MED1: variants seen among roughly 807,000 people sequenced by gnomAD.
The protein encoded by MED1 is mediator of RNA polymerase II transcription subunit 1.
Under a neutral mutation model 121.3 loss-of-function variants are expected in MED1, and 17 were observed. The ratio of observed to expected loss-of-function variants is 0.14; its 90% confidence interval spans 0.10 to 0.21. MED1 has a LOEUF of 0.21. MED1 is among the 10% of genes least tolerant of loss of function. The probability of loss-of-function intolerance (pLI) is 1.00; values close to 1 mark genes in which losing one functional copy is unlikely to be tolerated. For missense variants in MED1, 1,558 were observed against 1,919.4 expected (o/e 0.81, Z 3.52); for synonymous variants, 661 against 694.4 (o/e 0.95, Z 0.76).
intron 3 of MED1, 128 bp downstream of exon 3, chr17:39,443,422 A>T: frequency 1.5e-6 from 1 of 675,338 alleles, no homozygotes; most frequent in Non-Finnish European, 2.6e-6. Context: ...CCATAAATGA[A>T]TGCAAGAGCA....
rs2048295894 is a variant in MED1 at position 39,405,458 on chromosome 17, A to T, written c.*2017T>A. 3.6e-6 allele frequency: 5 copies of T among 1,399,120 alleles called. No individual in the cohort carries two copies. Among genetic ancestry groups the T allele is most frequent in the Non-Finnish European group, 9.3e-7 (1 of 1,073,744 alleles). 86.7% of individuals were successfully genotyped at this position (1,399,120 alleles called of 1,614,324 possible). Reference sequence around the variant, plus strand: ...CAGAACAAATTTTAAAAACCACATAAATTTTTTTTTTTTTCCTGCAGAAAC... The same window carrying T: ...CAGAACAAATTTTAAAAACCACATATATTTTTTTTTTTTTCCTGCAGAAAC... On this transcript the variant is annotated 3_prime_UTR_variant, in exon 17 of 17. Transcript: ENST00000300651.
chr17:39,451,065 T>C lies in MED1; in HGVS notation c.-3A>G, dbSNP rs772787289. On this transcript the variant is annotated 5_prime_UTR_variant, in exon 1 of 17. Coordinates refer to ENST00000300651, the MANE Select transcript of MED1 (RefSeq NM_004774.4). ...TCGGTTTCCCCCTGAGCTTTCATCC[T>C]GAAGGCGAGGAGAAGCTAGATCCGC... is the stretch of plus-strand genomic sequence containing the variant. 3.7e-6 allele frequency: 6 copies of C among 1,610,730 alleles called. No individual in the cohort carries two copies. Among genetic ancestry groups the C allele is most frequent in the East Asian group, 2.2e-5 (1 of 44,544 alleles).
intron 8 of MED1, among the ~76,000 whole-genome samples, chr17:39,431,542 G>A (rs2048565326): frequency 6.6e-6 from 1 of 152,116 alleles, no homozygotes; most frequent in Admixed American, 6.6e-5. Context: ...GCCTCCCAAA[G>A]TGCTGGGATT....
rs541699904 is a variant in MED1, at chr17:39,407,238, C to G, written c.*237G>C. 9 of 908,072 alleles carry G rather than the reference C, an allele frequency of 9.9e-6. No individual in the cohort carries two copies. In the African/African-American group the frequency reaches 1.8e-4, roughly 18 times the overall value. 56.3% of individuals were successfully genotyped at this position (908,072 alleles called of 1,614,324 possible). A position where few individuals can be genotyped will look rare whatever the true frequency, so the allele number is the denominator to read the frequency against. On this transcript the variant is annotated 3_prime_UTR_variant, in exon 17 of 17. Coordinates refer to ENST00000300651, the MANE Select transcript of MED1 (RefSeq NM_004774.4). ...TCCCTTTCTTAAGCAAGTATTTTAA[C>G]TTTCTTTCTGGCACAGGAACAAAGA...
chr17:39,450,396 T>C (rs1172572163), intron 1 of MED1, among the ~76,000 whole-genome samples: 1 of 152,230 alleles, frequency 6.6e-6, no homozygotes, highest in Non-Finnish European at 1.5e-5. Flanking sequence ...AGGACTCTAA[T>C]CTGCAAAGCT....
chr17:39,445,804 G>A (rs1362287320), intron 2 of MED1, among the ~76,000 whole-genome samples: 1 of 151,782 alleles, frequency 6.6e-6, no homozygotes, highest in Non-Finnish European at 1.5e-5. Context: ...GCTGAGGCAG[G>A]TGGATCACAA....
rs2048318454 is a variant in MED1, at chr17:39,407,888, G to A, written c.4333C>T (p.Arg1445Cys). ...GACTTACTATGGCTGGGAGAGCCAC[G>A]CTCATGCTTTGGAGTGGAACCACTG... Reference protein sequence around the residue: ...LISGSTPKHERGSPSHSKSPA... With the variant: ...LISGSTPKHECGSPSHSKSPA... The change falls in exon 17 of 17, where the codon CGT becomes TGT. Residue 1445 changes from arginine (R) to cysteine (C), a missense_variant. Physicochemically the swap from Arg to Cys is radical, Grantham distance 180. This residue lies in a region of MED1 where 264 missense variants were observed against 326.1 expected (regional missense o/e 0.81). Coordinates refer to ENST00000300651, the MANE Select transcript of MED1 (RefSeq NM_004774.4). 6.2e-7 allele frequency: 1 copy of A among 1,613,980 alleles called. No homozygotes were observed. Among genetic ancestry groups the A allele is most frequent in the East Asian group, 2.2e-5 (1 of 44,894 alleles).
intron 6 of MED1, 93 bp from the exon 7 acceptor site, chr17:39,434,413 T>C (rs1344702405): frequency 1.6e-6 from 1 of 608,970 alleles, no homozygotes; most frequent in Non-Finnish European, 2.8e-6. Flanking sequence ...ATCACAGCTA[T>C]ATAAAACTGA....
Position 39,440,654 on chromosome 17 carries a change from C to A in MED1, c.235G>T (p.Asp79Tyr). 6.2e-7 allele frequency: 1 copy of A among 1,613,380 alleles called. No individual in the cohort carries two copies. The highest frequency in any genetic ancestry group is 1.1e-5 in the South Asian group (1 of 90,918). The change falls in exon 4 of 17, where the codon GAT becomes TAT. Residue 79 changes from aspartate (D) to tyrosine (Y), a missense_variant. This residue lies in a region of MED1 where 443 missense variants were observed against 532.4 expected (regional missense o/e 0.83). Coordinates refer to ENST00000300651, the MANE Select transcript of MED1 (RefSeq NM_004774.4). The surrounding 1 kb of genome is among the most constrained non-coding windows in gnomAD (Gnocchi z 4.1). Reference sequence around the variant, plus strand: ...TGTCTTGCTATGGACTCCAAACGATCAGTCATTGCTGGTAAAGATGTTACT... The same window carrying A: ...TGTCTTGCTATGGACTCCAAACGATAAGTCATTGCTGGTAAAGATGTTACT... ...LKVTSLPAMTDRLESIARQNG... is the reference protein window; with the variant it reads ...LKVTSLPAMTYRLESIARQNG...
At chr17:39,428,169 T>G (rs1339097947) in intron 9 of MED1, among the ~76,000 whole-genome samples, 1 of 151,996 alleles carries the variant, frequency 6.6e-6, no homozygotes, top group African/African-American at 2.4e-5. Context: ...GCCAACATGG[T>G]GAAACCCCAT....
chr17:39,426,839 T>A (rs1302852331), intron 10 of MED1, among the ~76,000 whole-genome samples: 2 of 151,926 alleles, frequency 1.3e-5, no homozygotes, highest in East Asian at 3.9e-4. Flanking sequence ...CGGCAGTCTA[T>A]CTCTCTTTAT....
At position 39,447,836 on chromosome 17, in the gene MED1, G is replaced by A. The variant is rs772303365; in HGVS notation, c.94C>T (p.Pro32Ser). The A allele has an allele frequency of 2.5e-6, 4 of 1,613,550 alleles. No homozygotes were observed. Among genetic ancestry groups the A allele is most frequent in the Non-Finnish European group, 2.5e-6 (3 of 1,179,720 alleles). ...ACAAGCTTAATGGTTTCACTCCAGG[G>A]TCTATTTTGGTTAAATTTTGCATGG... ...RLHAKFNQNR[P>S]WSETIKLVRQ... is the part of the protein sequence containing the mutation. Residue 32 changes from proline to serine, a missense_variant, in exon 2 of 17, where the codon CCC becomes TCC. Transcript: ENST00000300651.
At position 39,434,286 on chromosome 17, in the gene MED1, T is replaced by C. The variant is rs370708802; in HGVS notation, c.463A>G (p.Lys155Glu). 5 of 1,568,954 alleles carry C rather than the reference T, an allele frequency of 3.2e-6. No individual in the cohort carries two copies. In the African/African-American group the frequency reaches 6.9e-5, roughly 22 times the overall value. Reference sequence around the variant, plus strand: ...AGGTTATACAGATTAACAAGGCCCTTAAGGTGCTTAGAAAATTCATCAAAA... The same window carrying C: ...AGGTTATACAGATTAACAAGGCCCTCAAGGTGCTTAGAAAATTCATCAAAA... Reference protein sequence around the residue: ...KNFDEFSKHLKGLVNLYNLPG... With the variant: ...KNFDEFSKHLEGLVNLYNLPG... The change falls in exon 7 of 17, where the codon AAG becomes GAG. Residue 155 changes from lysine to glutamate, a missense_variant. This residue lies in a region of MED1 where 443 missense variants were observed against 532.4 expected (regional missense o/e 0.83). Transcript: ENST00000300651.
Position 39,440,698 on chromosome 17 carries a change from G to A in MED1, c.212-21C>T. ...TGTTACTATAAAAGGATGAAAAAAG[G>A]AGTCACAAAGAATGCTCCAAATGAC... is the stretch of plus-strand genomic sequence containing the variant. On this transcript the variant is annotated intron_variant, in intron 3 of 16. Coordinates refer to ENST00000300651, the MANE Select transcript of MED1 (RefSeq NM_004774.4). This position sits in a 1 kb window ranked among gnomAD's most constrained non-coding sequence, Gnocchi z 4.1. The A allele has an allele frequency of 6.3e-7, 1 of 1,598,840 alleles. No homozygotes were observed. The highest frequency in any genetic ancestry group is 8.5e-7 in the Non-Finnish European group (1 of 1,170,164).
chr17:39,429,702 T>C (rs1171656162), intron 9 of MED1, among the ~76,000 whole-genome samples: 1 of 48,966 alleles, frequency 2.0e-5, no homozygotes, highest in African/African-American at 1.0e-4. Flanking sequence ...CCTAAATGCC[T>C]AAAAAAAAAA....
At chr17:39,423,245 C>T in intron 13 of MED1, 82 bp downstream of exon 13, 1 of 1,020,100 alleles carries the variant, frequency 9.8e-7, no homozygotes, top group Non-Finnish European at 1.5e-6. Flanking sequence ...CTTATCTGAC[C>T]TCAATAATGC....
Position 39,447,809 on chromosome 17 carries a change from G to T in MED1, c.121C>A (p.Arg41Ser), listed in dbSNP as rs755343121. 6.2e-6 allele frequency: 10 copies of T among 1,610,856 alleles called. No homozygotes were observed. The highest frequency in any genetic ancestry group is 1.3e-5 in the African/African-American group (1 of 74,842). Residue 41 changes from arginine (R) to serine (S), a missense_variant, in exon 2 of 17, where the codon CGT (arginine) becomes AGT (serine). By Grantham distance (110) the Arg-to-Ser change is moderately radical. Around this residue, in one of 5 missense-constraint regions of MED1, gnomAD observed 443 missense variants for 532.4 expected, o/e 0.83. Coordinates refer to ENST00000300651, the MANE Select transcript of MED1 (RefSeq NM_004774.4). The stretch of plus-strand genomic sequence containing the variant: ...ACCACAATCCTTACCATGACTTGAC[G>T]CACAAGCTTAATGGTTTCACTCCAG... ...RPWSETIKLV[R>S]QVMEKRVVMS...
At chr17:39,435,024 C>T (rs559005746) in intron 6 of MED1, among the ~76,000 whole-genome samples, 6 of 152,026 alleles carry the variant, frequency 3.9e-5, no homozygotes, top group African/African-American at 1.4e-4. Flanking sequence ...AAAAATTAGC[C>T]GAGTGTGGTG....
intron 9 of MED1, among the ~76,000 whole-genome samples, chr17:39,429,464 G>C (rs2048544420): frequency 6.6e-6 from 1 of 151,994 alleles, no homozygotes; most frequent in Non-Finnish European, 1.5e-5. Flanking sequence ...GGGAGGCCGA[G>C]ACAGGCAGCT....
Sources: allele counts gnomAD v4.1 joint callset (sites outside exome capture counted in the v4.1 genomes callset), GRCh38; gene constraint gnomAD v4.1.1; regional missense constraint gnomAD v4.1.1; non-coding constraint Gnocchi (gnomAD v3.1); transcripts MANE v1.5; gene names NCBI Gene and HGNC (gene_info 2026-07-23, HGNC 2026-07-21).